The following PITPNM3 variants were observed in gnomAD, a reference collection of about 807,000 sequenced individuals.
The protein encoded by PITPNM3 is membrane-associated phosphatidylinositol transfer protein 3.
A neutral mutation model predicts 102.0 loss-of-function variants in PITPNM3; 26 were observed. That is an observed-to-expected ratio of 0.25 (90% CI 0.19 to 0.35). PITPNM3 has a LOEUF of 0.35. Ranked by LOEUF, PITPNM3 falls within the 10% of genes least tolerant of loss-of-function variation. The probability of loss-of-function intolerance (pLI) is 1.00; values close to 1 mark genes in which losing one functional copy is unlikely to be tolerated. For missense variants in PITPNM3, 1,083 were observed against 1,346.1 expected (o/e 0.80, Z 3.06); for synonymous variants, 578 against 558.6 (o/e 1.03, Z -0.49).
chr17:6,513,633 T>C (rs1248038821), intron 3 of PITPNM3, among the ~76,000 whole-genome samples: 1 of 152,180 alleles, frequency 6.6e-6, no homozygotes, highest in Non-Finnish European at 1.5e-5. Flanking sequence ...TAAAACATCA[T>C]TGAAAGAAAG....
At chr17:6,533,736 CTG>C in intron 2 of PITPNM3, among the ~76,000 whole-genome samples, 1 of 152,288 alleles carries the variant, frequency 6.6e-6, no homozygotes, top group African/African-American at 2.4e-5. Flanking sequence ...ATTACAGCCA[CTG>C]TGCCCAGCCT....
intron 4 of PITPNM3, among the ~76,000 whole-genome samples, chr17:6,493,620 G>A (rs1170183120): frequency 1.3e-5 from 2 of 152,200 alleles, no homozygotes; most frequent in Non-Finnish European, 2.9e-5. Flanking sequence ...GAGTCTGGGG[G>A]AGCTGGTGGC....
Position 6,470,307 on chromosome 17 carries a change from C to T in PITPNM3, c.1726G>A (p.Ala576Thr), listed in dbSNP as rs1387762572. 5 of 1,613,612 alleles carry T rather than the reference C, an allele frequency of 3.1e-6. No homozygotes were observed. The highest frequency in any genetic ancestry group is 4.2e-6 in the Non-Finnish European group (5 of 1,179,908). Reference sequence around the variant, plus strand: ...ACGTCTGTGGACTCCCAGTAACTGGCGTGGAAGAGGTGGGGCAGGGCCACG... The same window carrying T: ...ACGTCTGTGGACTCCCAGTAACTGGTGTGGAAGAGGTGGGGCAGGGCCACG... ...PTVALPHLFH[A>T]SYWESTDVVA... Residue 576 changes from alanine to threonine, a missense_variant, in exon 13 of 20, where the codon GCC (alanine) becomes ACC (threonine). By Grantham distance (58) the Ala-to-Thr change is moderately conservative. This residue lies in a region of PITPNM3 where 410 missense variants were observed against 638.4 expected (regional missense o/e 0.64). Coordinates refer to ENST00000262483, the MANE Select transcript of PITPNM3 (RefSeq NM_031220.4). The surrounding 1 kb of genome is among the most constrained non-coding windows in gnomAD (Gnocchi z 4.8).
chr17:6,552,738 C>T (rs954968707), intron 1 of PITPNM3, among the ~76,000 whole-genome samples: 7 of 151,674 alleles, frequency 4.6e-5, no homozygotes, highest in East Asian at 1.9e-4. Context: ...ACCTGGAAGC[C>T]GGCCCCTGGC....
intron 18 of PITPNM3, chr17:6,460,831 C>A: frequency 5.7e-6 from 1 of 175,680 alleles, no homozygotes. Context: ...GTTCCTGAGC[C>A]CCTCCCCAGA....
chr17:6,543,910 G>A (rs1909867053), intron 1 of PITPNM3, among the ~76,000 whole-genome samples: 1 of 152,204 alleles, frequency 6.6e-6, no homozygotes, highest in Admixed American at 6.5e-5. Context: ...AGAGACACAG[G>A]CCAAAACAAT....
chr17:6,508,404 C>A (rs569455879), intron 3 of PITPNM3, among the ~76,000 whole-genome samples: 7 of 152,342 alleles, frequency 4.6e-5, no homozygotes, highest in African/African-American at 1.7e-4. Flanking sequence ...ACTTCCCCAA[C>A]GTTGAGATCT....
At chr17:6,554,017 A>T (rs1484163719) in intron 1 of PITPNM3, among the ~76,000 whole-genome samples, 2 of 152,124 alleles carry the variant, frequency 1.3e-5, no homozygotes, top group Non-Finnish European at 2.9e-5. Flanking sequence ...TAGGCTTATG[A>T]GCATCAAGAA....
At chr17:6,495,046 C>T (rs909294819) in intron 4 of PITPNM3, among the ~76,000 whole-genome samples, 9 of 152,010 alleles carry the variant, frequency 5.9e-5, no homozygotes, top group African/African-American at 1.9e-4. Context: ...GTGCTCCCAT[C>T]TGTGTGAGGG....
At chr17:6,476,891 TGGCGAGTGG>T in intron 9 of PITPNM3, 129 bp downstream of exon 9, 19 of 1,058,786 alleles carry the variant, frequency 1.8e-5, no homozygotes, top group Admixed American at 1.1e-4. Context: ...ACAGGGCCGA[TGGCGAGTGG>T]CCTTGGTCCC....
chr17:6,465,655 GC>G (rs1055164496), intron 14 of PITPNM3, among the ~76,000 whole-genome samples: 1 of 152,146 alleles, frequency 6.6e-6, no homozygotes, highest in African/African-American at 2.4e-5. Flanking sequence ...CTCGGCCCCA[GC>G]CCCACCGGGA....
intron 2 of PITPNM3, among the ~76,000 whole-genome samples, chr17:6,529,672 C>T: frequency 6.6e-6 from 1 of 152,198 alleles, no homozygotes; most frequent in Non-Finnish European, 1.5e-5. Context: ...TGGTCACATT[C>T]TGCAGATGGC....
chr17:6,489,481 T>A (rs1035894887), intron 4 of PITPNM3, among the ~76,000 whole-genome samples: 5 of 66,334 alleles, frequency 7.5e-5, no homozygotes, highest in Non-Finnish European at 1.3e-4. Flanking sequence ...TTTTTTTTTA[T>A]TTTTTTTTTG....
Position 6,468,414 on chromosome 17 carries a change from C to T in PITPNM3, c.1774-73G>A. On this transcript the variant is annotated intron_variant, in intron 13 of 19. Transcript: ENST00000262483. This position sits in a 1 kb window ranked among gnomAD's most constrained non-coding sequence, Gnocchi z 5.2. ...GCTTCCCTCCCAGGGTGTCAGTGCC[C>T]ACCAGCTTGTGGCCAGCTGGGCCCT... 2.0e-6 allele frequency: 3 copies of T among 1,496,420 alleles called. No individual in the cohort carries two copies. Among genetic ancestry groups the T allele is most frequent in the Non-Finnish European group, 2.8e-6 (3 of 1,075,120 alleles). The allele number at this position is 1,496,420 out of a possible 1,614,324, so 92.7% of individuals were successfully genotyped here. A position where few individuals can be genotyped will look rare whatever the true frequency, so the allele number is the denominator to read the frequency against.
intron 1 of PITPNM3, among the ~76,000 whole-genome samples, chr17:6,554,551 G>A (rs1378814865): frequency 6.6e-6 from 1 of 152,132 alleles, no homozygotes. Context: ...AACAGCACAA[G>A]GCATTGATGC....
At position 6,478,106 on chromosome 17, in the gene PITPNM3, G is replaced by A; in HGVS notation, c.778-9C>T. On this transcript the variant is annotated splice_polypyrimidine_tract_variant and intron_variant, in intron 7 of 19. Coordinates refer to ENST00000262483, the MANE Select transcript of PITPNM3 (RefSeq NM_031220.4). The surrounding 1 kb of genome is among the most constrained non-coding windows in gnomAD (Gnocchi z 4.4). ...TCCCCGATGAGACACACCTGGAAGA[G>A]ATGCAGCTGGGACTGCAGGCCTGCC... 6.2e-7 allele frequency: 1 copy of A among 1,613,008 alleles called. No homozygotes were observed. Among genetic ancestry groups the A allele is most frequent in the Non-Finnish European group, 8.5e-7 (1 of 1,180,040 alleles).
intron 3 of PITPNM3, among the ~76,000 whole-genome samples, chr17:6,520,016 T>C (rs916141769): frequency 6.6e-6 from 1 of 151,800 alleles, no homozygotes; most frequent in African/African-American, 2.4e-5. Context: ...TAAAATCCAA[T>C]AAAAAGGATA....
intron 14 of PITPNM3, among the ~76,000 whole-genome samples, chr17:6,467,085 A>C (rs989261554): frequency 1.0e-4 from 15 of 149,290 alleles, no homozygotes; most frequent in African/African-American, 3.2e-4. Context: ...AAAAACCAAA[A>C]AAAAAAAACA....
At chr17:6,541,901 C>A (rs1909749534) in intron 1 of PITPNM3, among the ~76,000 whole-genome samples, 1 of 152,240 alleles carries the variant, frequency 6.6e-6, no homozygotes, top group African/African-American at 2.4e-5. Flanking sequence ...GCCAGGCAGT[C>A]TGCTAGCTGC....
Sources: gnomAD v4.1 joint callset for allele counts (sites outside exome capture counted in the v4.1 genomes callset) on GRCh38, gnomAD v4.1.1 for gene constraint, gnomAD v4.1.1 regional missense constraint, Gnocchi (gnomAD v3.1) non-coding constraint, MANE v1.5 for transcripts, NCBI Gene and HGNC (gene_info 2026-07-23, HGNC 2026-07-21) for gene names.